The following ZFHX3 variants were observed in gnomAD, a reference collection of about 807,000 sequenced individuals.
ZFHX3 encodes zinc finger homeobox protein 3.
A neutral mutation model predicts 279.1 loss-of-function variants in ZFHX3; 42 were observed. The observed-to-expected ratio is 0.15, with a 90% confidence interval of 0.12 to 0.19. ZFHX3 has a LOEUF of 0.19. Among genes scored for constraint, ZFHX3 ranks in the 10% least tolerant of loss-of-function variants. The probability of loss-of-function intolerance (pLI) is 1.00; values close to 1 mark genes in which losing one functional copy is unlikely to be tolerated. For synonymous variants in ZFHX3, 2,293 were observed against 1,957.8 expected (o/e 1.17, Z -4.52); for missense variants, 4,981 against 4,754.0 (o/e 1.05, Z -1.40).
chr16:72,921,855 G>A (rs531964804), intron 3 of ZFHX3, among the ~76,000 whole-genome samples: 58 of 152,326 alleles, frequency 3.8e-4, no homozygotes, highest in African/African-American at 1.3e-3. Context: ...CCGGCAGCAG[G>A]CAGTACCCCA....
chr16:72,795,458 C>G lies in ZFHX3; in HGVS notation c.7224G>C (p.Gln2408His), dbSNP rs1266126089. 6.2e-7 allele frequency: 1 copy of G among 1,614,190 alleles called. No individual in the cohort carries two copies. The highest frequency in any genetic ancestry group is 1.1e-5 in the South Asian group (1 of 91,080). Residue 2408 changes from glutamine (Q) to histidine (H), a missense_variant, in exon 9 of 10, where the codon CAG becomes CAC. By Grantham distance (24) the Gln-to-His change is conservative. This residue lies in a region of ZFHX3 where 744 missense variants were observed against 701.3 expected (regional missense o/e 1.06). Transcript: ENST00000268489. ...ANNTASSAFL[Q>H]LTAEAEELAT... ...CCAGTTCCTCAGCCTCCGCTGTAAG[C>G]TGCAAGAAAGCGGAGGAAGCTGTAT...
At chr16:72,945,101 G>A (rs1960600679) in intron 3 of ZFHX3, among the ~76,000 whole-genome samples, 2 of 152,288 alleles carry the variant, frequency 1.3e-5, no homozygotes, top group African/African-American at 2.4e-5. Flanking sequence ...CAAAGCTTGT[G>A]CCTAAAGCCA....
At chr16:73,883,569 A>T (rs192022465) in intron 1 of ZFHX3, among the ~76,000 whole-genome samples, 1 of 152,230 alleles carries the variant, frequency 6.6e-6, no homozygotes, top group African/African-American at 2.4e-5. Context: ...TACCAACCTC[A>T]GTATCAGCCT....
At chr16:73,638,131 CA>C (rs1185427371) in intron 2 of ZFHX3, among the ~76,000 whole-genome samples, 5 of 152,002 alleles carry the variant, frequency 3.3e-5, no homozygotes, top group Non-Finnish European at 5.9e-5. Context: ...TCAAGAGTCA[CA>C]AAATGATCAC....
chr16:73,379,379 G>A (rs2016781787), intron 3 of ZFHX3, among the ~76,000 whole-genome samples: 1 of 152,116 alleles, frequency 6.6e-6, no homozygotes, highest in Non-Finnish European at 1.5e-5. Flanking sequence ...TCTCAGTGCT[G>A]TATTGTGGGC....
At chr16:73,272,314 T>C (rs1422029477) in intron 4 of ZFHX3, among the ~76,000 whole-genome samples, 1 of 152,214 alleles carries the variant, frequency 6.6e-6, no homozygotes, top group Non-Finnish European at 1.5e-5. Flanking sequence ...CTCCCAGTTT[T>C]TTTCTGGTAA....
chr16:73,001,653 A>T (rs562487869), intron 1 of ZFHX3, among the ~76,000 whole-genome samples: 24 of 151,478 alleles, frequency 1.6e-4, no homozygotes, highest in African/African-American at 5.6e-4. Context: ...TCTCTACAAA[A>T]TTTTTTTTAA....
chr16:73,191,020 C>T (rs1206174292), intron 5 of ZFHX3, among the ~76,000 whole-genome samples: 1 of 151,876 alleles, frequency 6.6e-6, no homozygotes, highest in African/African-American at 2.4e-5. Flanking sequence ...AAAATGGGAC[C>T]AAATCCATGG....
intron 2 of ZFHX3, among the ~76,000 whole-genome samples, chr16:72,954,283 T>C (rs532860492): frequency 1.3e-5 from 2 of 152,282 alleles, no homozygotes; most frequent in African/African-American, 4.8e-5. Flanking sequence ...GGCAGAAGAA[T>C]TGCTTGAACC....
At chr16:73,125,205 T>G (rs953344860) in intron 7 of ZFHX3, 3 of 149,974 alleles carry the variant, frequency 2.0e-5, no homozygotes, top group East Asian at 1.9e-4. Context: ...GCTGTTTTTT[T>G]TTTTTTTTTT....
At chr16:73,779,159 C>G (rs1167094230) in intron 1 of ZFHX3, among the ~76,000 whole-genome samples, 3 of 152,148 alleles carry the variant, frequency 2.0e-5, no homozygotes, top group Non-Finnish European at 4.4e-5. Context: ...ATAGCATTCC[C>G]GAGCCTCCCA....
chr16:73,550,063 G>A (rs1025258186), intron 2 of ZFHX3, among the ~76,000 whole-genome samples: 2 of 152,030 alleles, frequency 1.3e-5, no homozygotes, highest in South Asian at 4.1e-4. Context: ...GGAGGGGTGA[G>A]GGAAAAGGTG....
intron 2 of ZFHX3, among the ~76,000 whole-genome samples, chr16:73,486,231 A>G (rs62044989): frequency 0.07 from 10,639 of 152,300 alleles, 678 homozygotes; most frequent in Admixed American, 0.22. Flanking sequence ...TACACGGAGT[A>G]AATGACTTTG....
chr16:73,765,513 ACTGT>A (rs2053922889), intron 1 of ZFHX3, among the ~76,000 whole-genome samples: 1 of 152,230 alleles, frequency 6.6e-6, no homozygotes, highest in Admixed American at 6.5e-5. Context: ...CTGTGGATCA[ACTGT>A]TCATGGCTCT....
At chr16:73,017,989 CT>C (rs11460634) in intron 1 of ZFHX3, among the ~76,000 whole-genome samples, 325 of 143,590 alleles carry the variant, frequency 2.3e-3, no homozygotes, top group Middle Eastern at 3.6e-3. Context: ...CAGTTTTTAT[CT>C]TTTTTTTTTT....
intron 3 of ZFHX3, chr16:73,420,656 G>C (rs767067066): frequency 1.3e-5 from 2 of 152,154 alleles, no homozygotes; most frequent in Non-Finnish European, 2.9e-5. Flanking sequence ...TTTTATTTCA[G>C]ATTTTTGATG....
At chr16:72,827,298 T>C (rs546187858) in intron 5 of ZFHX3, among the ~76,000 whole-genome samples, 2 of 152,214 alleles carry the variant, frequency 1.3e-5, no homozygotes, top group African/African-American at 4.8e-5. Context: ...AACAAACAAC[T>C]TACATAGAGC....
chr16:73,413,181 G>C (rs1279057923), intron 3 of ZFHX3, among the ~76,000 whole-genome samples: 2 of 152,220 alleles, frequency 1.3e-5, no homozygotes, highest in Non-Finnish European at 2.9e-5. Flanking sequence ...AGATGGTTTG[G>C]AATGAAAGTG....
At chr16:73,755,554 A>T (rs1435908990) in intron 1 of ZFHX3, among the ~76,000 whole-genome samples, 1 of 152,052 alleles carries the variant, frequency 6.6e-6, no homozygotes, top group Non-Finnish European at 1.5e-5. Context: ...AAACAATTCA[A>T]TTTTTTTTAA....
Sources: gnomAD v4.1 joint callset for allele counts (sites outside exome capture counted in the v4.1 genomes callset) on GRCh38, gnomAD v4.1.1 for gene constraint, gnomAD v4.1.1 regional missense constraint, MANE v1.5 for transcripts, NCBI Gene and HGNC (gene_info 2026-07-23, HGNC 2026-07-21) for gene names.